The following RHCE variants were observed in gnomAD, a reference collection of about 807,000 sequenced individuals.
The protein encoded by RHCE is blood group Rh(CE) polypeptide.
RHCE carries 22 observed loss-of-function variants against 43.8 expected under a neutral mutation model. The observed-to-expected ratio is 0.50, with a 90% confidence interval of 0.36 to 0.72. The LOEUF is 0.72. RHCE is among the 30% of genes least tolerant of loss of function. The pLI is 0.00. For missense variants in RHCE, 385 were observed against 525.4 expected (o/e 0.73, Z 2.61); for synonymous variants, 156 against 210.7 (o/e 0.74, Z 2.25).
At chr1:25,421,475 G>A (rs2042758958), upstream of RHCE, among the ~76,000 whole-genome samples, 1 of 152,296 alleles carries the variant, frequency 6.6e-6, no homozygotes, top group South Asian at 2.1e-4. Flanking sequence ...AAACCTGGAG[G>A]GGATCCTGAT....
Position 25,362,433 on chromosome 1 carries a change from C to G in RHCE, c.*94G>C, listed in dbSNP as rs1287477538. 3.1e-6 allele frequency: 5 copies of G among 1,613,470 alleles called. No individual in the cohort carries two copies. The highest frequency in any genetic ancestry group is 4.2e-6 in the Non-Finnish European group (5 of 1,179,572). On this transcript the variant is annotated 3_prime_UTR_variant, in exon 10 of 10. Coordinates refer to ENST00000294413, the MANE Select transcript of RHCE (RefSeq NM_020485.8). Reference sequence around the variant, plus strand: ...TTTCATTATACATAAGGAGACTTTGCTGTCATGAGCGTTTCTCACGTACAA... The same window carrying G: ...TTTCATTATACATAAGGAGACTTTGGTGTCATGAGCGTTTCTCACGTACAA...
At chr1:25,429,136 T>C (rs1435514846) in intron 1 of RHCE, 3 of 151,846 alleles carry the variant, frequency 2.0e-5, no homozygotes, top group African/African-American at 7.3e-5. Flanking sequence ...CTGGGGTAGA[T>C]GTTGATTAAG....
intron 1 of RHCE, among the ~76,000 whole-genome samples, chr1:25,414,770 C>T (rs1484689026): frequency 6.6e-6 from 1 of 152,066 alleles, no homozygotes; most frequent in Non-Finnish European, 1.5e-5. Flanking sequence ...TCACCAATTG[C>T]CAAACATGTG....
Position 25,377,034 on chromosome 1 carries a change from C to A in RHCE, c.1074-1606G>T, listed in dbSNP as rs576381899. Among the ~76,000 whole-genome samples, 8 of 152,272 alleles carry A rather than the reference C, an allele frequency of 5.3e-5. No individual in the cohort carries two copies. In the East Asian group the frequency reaches 1.2e-3, roughly 22 times the overall value. On this transcript the variant is annotated intron_variant, in intron 7 of 9. Coordinates refer to ENST00000294413, the MANE Select transcript of RHCE (RefSeq NM_020485.8). ...CCAACCATTCAGGCAGCCATCCCCC[C>A]TTCCGTGTGGCAAGCTCCAGGCCCT...
At position 25,420,587 on chromosome 1, in the gene RHCE, G is replaced by A. The variant is rs1295907636; in HGVS notation, c.148+52C>T. ...CCCTGGAGAACCATAGGCCTCCCCC[G>A]CCCCTGCCCCTGCTATTTGCTCCTG... is the stretch of plus-strand genomic sequence containing the variant. On this transcript the variant is annotated intron_variant, in intron 1 of 9. Coordinates refer to ENST00000294413, the MANE Select transcript of RHCE (RefSeq NM_020485.8). 96 of 1,613,570 alleles carry A rather than the reference G, an allele frequency of 5.9e-5. No homozygotes were observed. Among genetic ancestry groups the A allele is most frequent in the Admixed American group, 1.2e-4 (7 of 59,986 alleles).
At chr1:25,397,111 CAAAAAA>C (rs151106139) in intron 3 of RHCE, among the ~76,000 whole-genome samples, 76 of 57,936 alleles carry the variant, frequency 1.3e-3, no homozygotes, top group African/African-American at 5.3e-3. Flanking sequence ...GACTCTGTCT[CAAAAAA>C]AAAAAAAAAA....
chr1:25,425,028 G>T (rs1232344650), upstream of RHCE, among the ~76,000 whole-genome samples: 1 of 152,108 alleles, frequency 6.6e-6, no homozygotes, highest in Non-Finnish European at 1.5e-5. Flanking sequence ...TGTTGGCTAG[G>T]CTGGTCTCGA....
intron 7 of RHCE, among the ~76,000 whole-genome samples, chr1:25,378,040 C>CA (rs1280877480): frequency 6.6e-6 from 1 of 152,126 alleles, no homozygotes; most frequent in South Asian, 2.1e-4. Context: ...AGACATTTCA[C>CA]AAGAAAAGAT....
chr1:25,380,322 AC>A (rs1390379310), intron 7 of RHCE, among the ~76,000 whole-genome samples: 1 of 135,008 alleles, frequency 7.4e-6, no homozygotes, highest in Non-Finnish European at 1.5e-5. Context: ...TGGAATTTGG[AC>A]CCCCGAAGCT....
At chr1:25,389,180 A>C in intron 5 of RHCE, 67 bp from the exon 6 acceptor site, 9 of 1,512,188 alleles carry the variant, frequency 6.0e-6, no homozygotes, top group Non-Finnish European at 8.2e-6. Flanking sequence ...GCTGCAAGTG[A>C]CCAGCACGCT....
chr1:25,412,473 G>A (rs1647111370), intron 1 of RHCE, among the ~76,000 whole-genome samples: 1 of 152,176 alleles, frequency 6.6e-6, no homozygotes, highest in South Asian at 2.1e-4. Context: ...AGCACTTTGG[G>A]AGGCCAAGGA....
chr1:25,427,718 C>G (rs1229511200), intron 2 of RHCE, among the ~76,000 whole-genome samples: 1 of 152,264 alleles, frequency 6.6e-6, no homozygotes, highest in African/African-American at 2.4e-5. Context: ...TAGCTATATA[C>G]AGGCACCACA....
intron 7 of RHCE, among the ~76,000 whole-genome samples, chr1:25,385,186 G>A (rs1309857130): frequency 4.6e-5 from 7 of 152,164 alleles, no homozygotes; most frequent in East Asian, 1.9e-4. Context: ...GACCTCAGCC[G>A]AGGCCCACCC....
intron 1 of RHCE, among the ~76,000 whole-genome samples, chr1:25,410,263 CT>C (rs1434010560): frequency 6.6e-6 from 1 of 152,088 alleles, no homozygotes; most frequent in African/African-American, 2.4e-5. Context: ...ACCATCTGCC[CT>C]CCCTCTTCTT....
chr1:25,388,819 C>T (rs1646264797), intron 6 of RHCE, among the ~76,000 whole-genome samples, 157 bp downstream of exon 6: 1 of 152,184 alleles, frequency 6.6e-6, no homozygotes, highest in South Asian at 2.1e-4. Context: ...AAATGTGCCA[C>T]CGAGCCAGGA....
chr1:25,416,708 C>A (rs930023020), intron 1 of RHCE, among the ~76,000 whole-genome samples: 2 of 151,996 alleles, frequency 1.3e-5, no homozygotes, highest in Non-Finnish European at 1.5e-5. Flanking sequence ...CCTCAAGCTC[C>A]CAGGCTCAAG....
At chr1:25,402,474 C>T in intron 3 of RHCE, 122 bp downstream of exon 3, 1 of 1,449,368 alleles carries the variant, frequency 6.9e-7, no homozygotes. Context: ...GATCTTCCCT[C>T]CTCAACCTCC....
intron 2 of RHCE, among the ~76,000 whole-genome samples, chr1:25,427,049 T>A (rs2042809840): frequency 1.4e-5 from 2 of 145,424 alleles, no homozygotes; most frequent in South Asian, 2.1e-4. Context: ...AGAGCAAGAC[T>A]CCATCTCAAA....
chr1:25,420,500 A>G (rs2042737105), intron 1 of RHCE, 139 bp downstream of exon 1: 2 of 1,541,590 alleles, frequency 1.3e-6, no homozygotes, highest in African/African-American at 1.4e-5. Context: ...ATTTCGGTGC[A>G]ATCTACGGAA....
Sources: allele counts gnomAD v4.1 joint callset (sites outside exome capture counted in the v4.1 genomes callset), GRCh38; gene constraint gnomAD v4.1.1; transcripts MANE v1.5; gene names NCBI Gene and HGNC (gene_info 2026-07-23, HGNC 2026-07-21).